CTSO: variants seen among roughly 807,000 people sequenced by gnomAD.
CTSO encodes cathepsin O.
Under a neutral mutation model 42.4 loss-of-function variants are expected in CTSO, and 40 were observed. The ratio of observed to expected loss-of-function variants is 0.94; its 90% CI spans 0.73 to 1.23. The LOEUF (loss-of-function observed/expected upper bound fraction) is 1.23, where lower values mean the gene tolerates loss of function less well. CTSO is among the 50% of genes most tolerant of loss of function. The pLI is 0.00. For missense variants in CTSO, 441 were observed against 396.0 expected, an observed-to-expected ratio of 1.11 and a Z score of -0.96; for synonymous variants, 156 against 146.2, an observed-to-expected ratio of 1.07 and a Z score of -0.48.
chr4:155,951,387 G>A (rs1017601021), intron 1 of CTSO, among the ~76,000 whole-genome samples: 3 of 152,196 alleles, frequency 2.0e-5, no homozygotes, highest in Admixed American at 2.0e-4. Flanking sequence ...AGCTTCCTGA[G>A]CACTGGAAGT....
chr4:155,927,179 A>C (rs1382478671), intron 7 of CTSO, among the ~76,000 whole-genome samples: 1 of 152,212 alleles, frequency 6.6e-6, no homozygotes, highest in Non-Finnish European at 1.5e-5. Flanking sequence ...ATTCTGCCTT[A>C]TGGAATGATT....
At chr4:155,940,626 T>C (rs1399926461) in intron 3 of CTSO, among the ~76,000 whole-genome samples, 1 of 152,098 alleles carries the variant, frequency 6.6e-6, no homozygotes, top group African/African-American at 2.4e-5. Context: ...AGGCGGATCA[T>C]GAGGTCAGGA....
Position 155,924,912 on chromosome 4 carries a change from A to C in CTSO, c.*1124T>G, listed in dbSNP as rs1247065133. 1 of 152,520 alleles carries C rather than the reference A, an allele frequency of 6.6e-6. No individual in the cohort carries two copies. The highest frequency in any genetic ancestry group is 1.5e-5 in the Non-Finnish European group (1 of 68,172). 9.4% of individuals were successfully genotyped at this position (152,520 alleles called of 1,614,324 possible). On this transcript the variant is annotated 3_prime_UTR_variant, in exon 8 of 8. Transcript: ENST00000433477. ...AGACTGGGAGCCAAGAGAAAGAACA[A>C]GAGGTGCACAAAGAAGCAGTTCGGA... is the stretch of plus-strand genomic sequence containing the variant.
At chr4:155,929,357 G>A (rs1743189719) in intron 6 of CTSO, among the ~76,000 whole-genome samples, 185 bp downstream of exon 6, 1 of 152,146 alleles carries the variant, frequency 6.6e-6, no homozygotes, top group African/African-American at 2.4e-5. Context: ...GCGCCGCTGG[G>A]TTAGGGTCTC....
intron 7 of CTSO, among the ~76,000 whole-genome samples, 197 bp from the exon 8 acceptor site, chr4:155,926,267 C>T (rs1743128110): frequency 6.6e-6 from 1 of 151,912 alleles, no homozygotes. Context: ...TAGAAGTATG[C>T]CTAATATTTT....
At position 155,928,404 on chromosome 4, in the gene CTSO, C is replaced by T. The variant is rs138871272; in HGVS notation, c.863G>A (p.Arg288Gln). The change falls in exon 7 of 8, where the codon CGG becomes CAG. Residue 288 changes from arginine to glutamine, a missense_variant. Arg to Gln is a conservative substitution (Grantham distance 43, BLOSUM62 1). Coordinates refer to ENST00000433477, the MANE Select transcript of CTSO (RefSeq NM_001334.3). ...TCCCCAAGAACTTCCCCAGGAATTC[C>T]GCACAATCCAATATGGAGTGCTTCC... ...KTGSTPYWIV[R>Q]NSWGSSWGVD... The T allele has an allele frequency of 3.0e-5, 48 of 1,612,444 alleles. No individual in the cohort carries two copies. Among genetic ancestry groups the T allele is most frequent in the African/African-American group, 2.8e-4 (21 of 74,820 alleles).
At chr4:155,931,570 T>C (rs1434522982) in intron 5 of CTSO, among the ~76,000 whole-genome samples, 1 of 152,184 alleles carries the variant, frequency 6.6e-6, no homozygotes, top group African/African-American at 2.4e-5. Context: ...GTGGCATTGC[T>C]ATCATTTGTC....
chr4:155,944,242 A>AT (rs34897685), intron 1 of CTSO, among the ~76,000 whole-genome samples: 1 of 152,168 alleles, frequency 6.6e-6, no homozygotes, highest in East Asian at 1.9e-4. Context: ...TAAGCTGTTT[A>AT]TTTTTAAGTA....
chr4:155,928,307 G>A, intron 7 of CTSO, 29 bp downstream of exon 7: 1 of 1,440,060 alleles, frequency 6.9e-7, no homozygotes. Context: ...TATTTATATT[G>A]AGGTTTTAAA....
At chr4:155,929,401 A>C (rs1743190682) in intron 6 of CTSO, 141 bp downstream of exon 6, 1 of 786,952 alleles carries the variant, frequency 1.3e-6, no homozygotes, top group African/African-American at 1.8e-5. Context: ...ATTTACTCCT[A>C]TAAGATTGTT....
chr4:155,931,399 T>G (rs902371324), intron 5 of CTSO, among the ~76,000 whole-genome samples: 1 of 152,150 alleles, frequency 6.6e-6, no homozygotes, highest in African/African-American at 2.4e-5. Flanking sequence ...ATTTTTAGAA[T>G]GCAAAGGGTA....
intron 6 of CTSO, among the ~76,000 whole-genome samples, chr4:155,929,058 G>A (rs1350163687): frequency 6.6e-6 from 1 of 152,206 alleles, no homozygotes; most frequent in Non-Finnish European, 1.5e-5. Flanking sequence ...CTGCTTAAAG[G>A]CGTTCTTAAG....
chr4:155,940,671 C>T (rs1322039205), intron 3 of CTSO, among the ~76,000 whole-genome samples: 5 of 151,950 alleles, frequency 3.3e-5, no homozygotes, highest in African/African-American at 7.2e-5. Flanking sequence ...GGTGAAACCC[C>T]GTTTCTACTA....
At chr4:155,939,230 AT>A in intron 4 of CTSO, 140 bp downstream of exon 4, 1 of 644,716 alleles carries the variant, frequency 1.6e-6, no homozygotes. Context: ...ATTCTGATTA[AT>A]TACTTCATGC....
chr4:155,953,833 C>T lies in CTSO; in HGVS notation c.15G>A (p.Ala5=). ...ACAGCAGCCACGGCAGCCACGGCAG[C>T]GCCCGCACGTCCATTGCGGCGCCCG... MDVR[A]LPWLPWLLWL... The change falls in exon 1 of 8, where the codon GCG becomes GCA. Residue 5 remains alanine, a synonymous_variant. Transcript: ENST00000433477. 1.5e-6 allele frequency: 2 copies of T among 1,299,198 alleles called. No homozygotes were observed. The highest frequency in any genetic ancestry group is 1.9e-6 in the Non-Finnish European group (2 of 1,026,556). 80.5% of individuals were successfully genotyped at this position (1,299,198 alleles called of 1,614,324 possible).
chr4:155,953,597 A>G, intron 1 of CTSO, 116 bp downstream of exon 1: 1 of 1,190,460 alleles, frequency 8.4e-7, no homozygotes, highest in Non-Finnish European at 1.1e-6. Flanking sequence ...GACGCATCGC[A>G]GAGCCACGGG....
intron 2 of CTSO, 31 bp from the exon 3 acceptor site, chr4:155,942,487 C>T (rs767121045): frequency 8.0e-7 from 1 of 1,251,888 alleles, no homozygotes; most frequent in Non-Finnish European, 1.1e-6. Context: ...AAAATACAAC[C>T]AATATTATAT....
At chr4:155,937,601 T>A in intron 4 of CTSO, 118 bp from the exon 5 acceptor site, 1 of 949,472 alleles carries the variant, frequency 1.1e-6, no homozygotes. Context: ...GTGGATATAC[T>A]TTGCGTTCTT....
At chr4:155,945,539 A>T (rs1743527365) in intron 1 of CTSO, among the ~76,000 whole-genome samples, 1 of 152,216 alleles carries the variant, frequency 6.6e-6, no homozygotes, top group African/African-American at 2.4e-5. Flanking sequence ...ACTCACAAAG[A>T]AAACTTCAGG....
Sources: allele counts gnomAD v4.1 joint callset (sites outside exome capture counted in the v4.1 genomes callset), GRCh38; gene constraint gnomAD v4.1.1; transcripts MANE v1.5; gene names NCBI Gene and HGNC (gene_info 2026-07-23, HGNC 2026-07-21).